Variants in CCDC149 observed in about 807,000 individuals in gnomAD.
The protein encoded by CCDC149 is coiled-coil domain-containing protein 149.
A neutral mutation model predicts 59.9 loss-of-function variants in CCDC149; 45 were observed. That is an observed-to-expected ratio of 0.75 (90% confidence interval 0.59 to 0.96). The LOEUF is 0.96. CCDC149 is among the 40% of genes least tolerant of loss of function. The pLI is 0.00. For missense variants in CCDC149, 584 were observed against 664.7 expected (o/e 0.88, Z 1.33); for synonymous variants, 245 against 260.6 (o/e 0.94, Z 0.58).
chr4:24,891,318 G>A (rs1720519250), intron 1 of CCDC149, among the ~76,000 whole-genome samples: 2 of 152,148 alleles, frequency 1.3e-5, no homozygotes, highest in Non-Finnish European at 2.9e-5. Flanking sequence ...CTCAAGGTGG[G>A]GACTCCATCC....
chr4:24,943,080 G>A (rs1420915018), intron 1 of CCDC149, among the ~76,000 whole-genome samples: 30 of 151,658 alleles, frequency 2.0e-4, no homozygotes, highest in South Asian at 4.2e-4. Flanking sequence ...AAAAGAGCCC[G>A]CATCGCCAAG....
At chr4:24,891,197 C>G (rs541880092) in intron 1 of CCDC149, among the ~76,000 whole-genome samples, 2 of 151,922 alleles carry the variant, frequency 1.3e-5, no homozygotes, top group African/African-American at 4.8e-5. Context: ...AGAACTCAGC[C>G]CCCCCAGCAA....
intron 1 of CCDC149, among the ~76,000 whole-genome samples, chr4:24,955,474 A>C (rs1457574441): frequency 6.6e-6 from 1 of 152,234 alleles, no homozygotes; most frequent in East Asian, 1.9e-4. Context: ...AGTATCCATC[A>C]ACAAAAGAAT....
chr4:24,880,986 G>A (rs886251981), intron 1 of CCDC149, among the ~76,000 whole-genome samples: 4 of 152,198 alleles, frequency 2.6e-5, no homozygotes, highest in Non-Finnish European at 5.9e-5. Flanking sequence ...GAGAAAGCAC[G>A]GGGTAAGGGC....
intron 3 of CCDC149, among the ~76,000 whole-genome samples, chr4:24,855,592 A>T (rs1300026605): frequency 4.2e-5 from 6 of 143,230 alleles, no homozygotes; most frequent in African/African-American, 1.6e-4. Flanking sequence ...AAAAAGGAAG[A>T]AAAAAGAAAA....
At chr4:24,882,762 A>G (rs1312288982) in intron 1 of CCDC149, among the ~76,000 whole-genome samples, 2 of 152,228 alleles carry the variant, frequency 1.3e-5, no homozygotes, top group African/African-American at 2.4e-5. Flanking sequence ...TCAGATTCCC[A>G]AAACTCCTGC....
chr4:24,958,199 C>T (rs73105514), intron 1 of CCDC149, among the ~76,000 whole-genome samples: 4,368 of 152,264 alleles, frequency 0.029, 148 homozygotes, highest in African/African-American at 0.08. Flanking sequence ...ACAGTAGAGA[C>T]GAATACTTAG....
At chr4:24,899,680 T>C (rs913138624) in intron 1 of CCDC149, among the ~76,000 whole-genome samples, 9 of 152,264 alleles carry the variant, frequency 5.9e-5, no homozygotes, top group African/African-American at 2.2e-4. Flanking sequence ...GCCCCATCCC[T>C]GTCCAGTCCC....
At chr4:24,819,787 C>G in intron 12 of CCDC149, 72 bp downstream of exon 12, 1 of 1,039,184 alleles carries the variant, frequency 9.6e-7, no homozygotes, top group Non-Finnish European at 1.5e-6. Flanking sequence ...GGGAAGAGAC[C>G]GATGTCCATT....
chr4:24,933,576 G>T (rs756983418), intron 1 of CCDC149, among the ~76,000 whole-genome samples: 1 of 152,110 alleles, frequency 6.6e-6, no homozygotes, highest in Non-Finnish European at 1.5e-5. Context: ...CCTGAAATAG[G>T]CCAGGCATTG....
chr4:24,815,647 T>C (rs1714966210), intron 12 of CCDC149, among the ~76,000 whole-genome samples: 1 of 152,202 alleles, frequency 6.6e-6, no homozygotes, highest in Admixed American at 6.5e-5. Flanking sequence ...TTACTGTAGG[T>C]CAGGTTAATC....
At chr4:24,951,267 T>C (rs1238625477) in intron 1 of CCDC149, among the ~76,000 whole-genome samples, 2 of 152,218 alleles carry the variant, frequency 1.3e-5, no homozygotes, top group Non-Finnish European at 2.9e-5. Context: ...ATGTTTCCAT[T>C]CAGAATCATG....
upstream of CCDC149, among the ~76,000 whole-genome samples, chr4:24,914,647 C>G (rs1228514779): frequency 6.8e-6 from 1 of 146,746 alleles, no homozygotes; most frequent in Non-Finnish European, 1.5e-5. Context: ...GCCGAAGAAC[C>G]ATCCAGCTGA....
intron 1 of CCDC149, among the ~76,000 whole-genome samples, chr4:24,930,824 G>A (rs1482863090): frequency 6.6e-6 from 1 of 152,134 alleles, no homozygotes; most frequent in Non-Finnish European, 1.5e-5. Context: ...TTCTGTTTTA[G>A]AGATCATAAA....
At chr4:24,868,303 C>T (rs1718821404) in intron 3 of CCDC149, among the ~76,000 whole-genome samples, 1 of 152,192 alleles carries the variant, frequency 6.6e-6, no homozygotes, top group Non-Finnish European at 1.5e-5. Context: ...CCATGCTGAA[C>T]TATGAAGAGG....
At chr4:24,830,805 C>T (rs988530284) in intron 9 of CCDC149, 3 of 152,220 alleles carry the variant, frequency 2.0e-5, no homozygotes, top group African/African-American at 7.2e-5. Flanking sequence ...AGTGGAAGAT[C>T]AGACCTAATG....
chr4:24,858,044 T>C (rs1474995830), intron 3 of CCDC149, among the ~76,000 whole-genome samples: 1 of 152,094 alleles, frequency 6.6e-6, no homozygotes, highest in East Asian at 1.9e-4. Context: ...AAAAAGAAAG[T>C]AGTACATTTC....
intron 12 of CCDC149, 110 bp from the exon 13 acceptor site, chr4:24,808,929 G>A (rs929643297): frequency 1.8e-6 from 2 of 1,081,304 alleles, no homozygotes; most frequent in African/African-American, 3.2e-5. Context: ...TCTGAAAAAG[G>A]AGCAAGACTT....
chr4:24,927,021 G>A (rs193054092), intron 1 of CCDC149, among the ~76,000 whole-genome samples: 5 of 152,248 alleles, frequency 3.3e-5, no homozygotes, highest in East Asian at 3.9e-4. Flanking sequence ...CCCAGCCTCC[G>A]AAGTCAGGCA....
Sources: allele counts gnomAD v4.1 joint callset (sites outside exome capture counted in the v4.1 genomes callset), GRCh38; gene constraint gnomAD v4.1.1; transcripts MANE v1.5; gene names NCBI Gene and HGNC (gene_info 2026-07-23, HGNC 2026-07-21).